Variants in DAP3 observed in about 807,000 individuals in gnomAD.
The protein encoded by DAP3 is death associated protein 3.
Under a neutral mutation model 51.9 loss-of-function variants are expected in DAP3, and 28 were observed. That is an observed-to-expected ratio of 0.54 (90% CI 0.40 to 0.74). The LOEUF is 0.74. DAP3 is among the 30% of genes least tolerant of loss of function. The pLI is 0.00. For synonymous variants in DAP3, 170 were observed against 170.3 expected (o/e 1.00, Z 0.01); for missense variants, 458 against 483.5 (o/e 0.95, Z 0.49).
intron 2 of DAP3, among the ~76,000 whole-genome samples, chr1:155,715,444 C>T (rs1272429223): frequency 2.0e-5 from 3 of 151,904 alleles, no homozygotes; most frequent in South Asian, 2.1e-4. Flanking sequence ...ATGGCTTGGG[C>T]CTGGGAGTTT....
intron 7 of DAP3, 40 bp from the exon 8 acceptor site, chr1:155,729,002 A>T: frequency 6.2e-7 from 1 of 1,605,166 alleles, no homozygotes; most frequent in Non-Finnish European, 8.5e-7. Flanking sequence ...TAGGCCAAGT[A>T]GCCTTTTTTT....
In DAP3 at chr1:155,729,240, AG is replaced by A. The variant is rs762691201; in HGVS notation, c.718del (p.Val240LeufsTer5). The stretch of plus-strand genomic sequence containing the variant: ...CACGGGTGAGGAACGCCACAGATGC[AG>A]TTGGAATTGTGCTGAAAGAGCTAAA... ...ITRVRNATDAVGIVLKELKRQ... is the reference protein window; with the variant it reads ...ITRVRNATDAXGIVLKELKRQ... On this transcript the variant is annotated frameshift_variant, in exon 9 of 13. Coordinates refer to ENST00000368336, the MANE Select transcript of DAP3 (RefSeq NM_004632.4). LOFTEE classifies it high-confidence loss of function. 6 of 1,614,058 alleles carry A rather than the reference AG, an allele frequency of 3.7e-6. No individual in the cohort carries two copies. In the African/African-American group the frequency reaches 8.0e-5, roughly 22 times the overall value.
intron 3 of DAP3, among the ~76,000 whole-genome samples, chr1:155,721,073 A>G (rs1657944648): frequency 6.6e-6 from 1 of 151,226 alleles, no homozygotes; most frequent in Non-Finnish European, 1.5e-5. Flanking sequence ...AAGATGGCTC[A>G]CCCTGTAATC....
At chr1:155,688,086 G>C (rs752941162), upstream of DAP3, 35 of 1,591,584 alleles carry the variant, frequency 2.2e-5, no homozygotes, top group Non-Finnish European at 2.9e-5. Flanking sequence ...CGGAGGCCGA[G>C]AGCGATGAGA....
intron 3 of DAP3, among the ~76,000 whole-genome samples, chr1:155,718,708 AT>A (rs1657629028): frequency 1.6e-4 from 13 of 79,760 alleles, no homozygotes; most frequent in African/African-American, 3.5e-4. Context: ...AGAAAGAAAG[AT>A]AGATAGATAG....
At chr1:155,708,540 G>GTTTTTTTT (rs151238139) in intron 1 of DAP3, among the ~76,000 whole-genome samples, 11 of 103,256 alleles carry the variant, frequency 1.1e-4, no homozygotes, top group Admixed American at 2.0e-4. Context: ...TTCTGTTTTT[G>GTTTTTTTT]TTTTTTTTTT....
upstream of DAP3, chr1:155,688,255 CTG>C (rs1302927439): frequency 6.2e-7 from 1 of 1,606,364 alleles, no homozygotes; most frequent in African/African-American, 1.3e-5. Context: ...AAGGGGCAAA[CTG>C]AGAGGAGGCG....
chr1:155,734,726 A>T (rs1659584444), intron 11 of DAP3, among the ~76,000 whole-genome samples: 1 of 151,700 alleles, frequency 6.6e-6, no homozygotes, highest in Admixed American at 6.6e-5. Context: ...ATGTATGTAT[A>T]TGTGTGAACC....
chr1:155,727,997 C>T (rs1253905617), intron 7 of DAP3, among the ~76,000 whole-genome samples: 1 of 151,880 alleles, frequency 6.6e-6, no homozygotes, highest in Non-Finnish European at 1.5e-5. Flanking sequence ...TTTCAAGGTA[C>T]AGCCTCCAAT....
intron 2 of DAP3, 113 bp downstream of exon 2, chr1:155,709,937 G>GT: frequency 1.1e-6 from 1 of 923,212 alleles, no homozygotes; most frequent in East Asian, 2.5e-5. Flanking sequence ...AACTTCATAT[G>GT]TAACAGGTTT....
intron 1 of DAP3, among the ~76,000 whole-genome samples, chr1:155,708,483 C>T (rs1449401678): frequency 4.6e-5 from 7 of 151,180 alleles, no homozygotes; most frequent in Non-Finnish European, 7.4e-5. Context: ...TGTAATGTTT[C>T]GCAGCCTATT....
At chr1:155,720,269 G>T (rs1432924060) in intron 3 of DAP3, among the ~76,000 whole-genome samples, 1 of 138,534 alleles carries the variant, frequency 7.2e-6, no homozygotes, top group African/African-American at 2.7e-5. Flanking sequence ...AGGCCTCAGT[G>T]AGCCGTGATT....
chr1:155,730,223 T>C (rs186148600), intron 9 of DAP3, among the ~76,000 whole-genome samples: 67 of 148,856 alleles, frequency 4.5e-4, no homozygotes, highest in Admixed American at 4.0e-3. Context: ...TATATAATAT[T>C]CATATATGTA....
At chr1:155,737,915 G>T (rs1249006274) in intron 12 of DAP3, among the ~76,000 whole-genome samples, 2 of 152,204 alleles carry the variant, frequency 1.3e-5, no homozygotes, top group African/African-American at 4.8e-5. Flanking sequence ...AAGTCCAGAA[G>T]ACACTCTTGG....
At chr1:155,728,790 G>T (rs931204179) in intron 7 of DAP3, among the ~76,000 whole-genome samples, 2 of 151,850 alleles carry the variant, frequency 1.3e-5, no homozygotes, top group South Asian at 4.2e-4. Flanking sequence ...AACCTGGGAG[G>T]TGGATGTTGC....
chr1:155,716,371 C>G (rs904032175), intron 2 of DAP3, among the ~76,000 whole-genome samples: 1 of 149,974 alleles, frequency 6.7e-6, no homozygotes, highest in Non-Finnish European at 1.5e-5. Flanking sequence ...ACCATCCTGG[C>G]TAACACAGTG....
intron 4 of DAP3, among the ~76,000 whole-genome samples, chr1:155,725,176 T>G (rs1658433491): frequency 1.3e-5 from 2 of 152,192 alleles, no homozygotes; most frequent in Non-Finnish European, 2.9e-5. Flanking sequence ...ATCATGTTAC[T>G]TAGTGCGGAA....
Position 155,737,051 on chromosome 1 carries a change from C to A in DAP3, c.1099C>A (p.Gln367Lys). 6.2e-7 allele frequency: 1 copy of A among 1,611,892 alleles called. No individual in the cohort carries two copies. The highest frequency in any genetic ancestry group is 8.5e-7 in the Non-Finnish European group (1 of 1,178,150). ...IQYYLENNWL[Q>K]HEKAPTEEGK... The stretch of plus-strand genomic sequence containing the variant: ...GTATTATTTGGAAAACAATTGGCTT[C>A]AACATGAGAAAGGTCCATCATTTAG... Residue 367 changes from glutamine (Q) to lysine (K), a missense_variant, in exon 12 of 13, where the codon CAA (glutamine) becomes AAA (lysine). Coordinates refer to ENST00000368336, the MANE Select transcript of DAP3 (RefSeq NM_004632.4).
At chr1:155,704,668 G>T (rs1655722326) in intron 1 of DAP3, among the ~76,000 whole-genome samples, 1 of 152,128 alleles carries the variant, frequency 6.6e-6, no homozygotes, top group Non-Finnish European at 1.5e-5. Context: ...ACTGAGTTTA[G>T]GAGTGCTTTG....
Sources: gnomAD v4.1 joint callset for allele counts (sites outside exome capture counted in the v4.1 genomes callset) on GRCh38, gnomAD v4.1.1 for gene constraint, MANE v1.5 for transcripts, NCBI Gene and HGNC (gene_info 2026-07-23, HGNC 2026-07-21) for gene names.